The following LRSAM1 variants were observed in gnomAD, a reference collection of about 807,000 sequenced individuals.
LRSAM1 encodes the protein leucine rich repeat and sterile alpha motif containing 1, also known as E3 ubiquitin-protein ligase LRSAM1.
In LRSAM1, 96 loss-of-function variants were observed where a neutral mutation model predicts 118.1. The ratio of observed to expected loss-of-function variants is 0.81; its 90% CI spans 0.69 to 0.96. The LOEUF is 0.96. LRSAM1 is among the 40% of genes least tolerant of loss of function. The probability of loss-of-function intolerance (pLI) is 0.00; values close to 1 mark genes in which losing one functional copy is unlikely to be tolerated. For synonymous variants in LRSAM1, 322 were observed against 364.2 expected (o/e 0.88, Z 1.32); for missense variants, 804 against 915.5 (o/e 0.88, Z 1.57).
chr9:127,483,062 G>A, intron 16 of LRSAM1, 42 bp downstream of exon 16: 1 of 1,580,504 alleles, frequency 6.3e-7, no homozygotes. Context: ...GCTGCCTGCT[G>A]GCTGGGCTGG....
At chr9:127,452,132 C>T (rs899608069) in intron 2 of LRSAM1, 48 bp downstream of exon 2, 1 of 152,310 alleles carries the variant, frequency 6.6e-6, no homozygotes. Flanking sequence ...GTGGCCCTCC[C>T]CCCGCATCTA....
chr9:127,460,759 G>A (rs1301708764), intron 7 of LRSAM1, among the ~76,000 whole-genome samples: 1 of 152,030 alleles, frequency 6.6e-6, no homozygotes, highest in African/African-American at 2.4e-5. Context: ...TGTAGTGCCT[G>A]GGTGCCCTGG....
chr9:127,492,185 C>A (rs1835957566), intron 20 of LRSAM1, among the ~76,000 whole-genome samples: 1 of 152,214 alleles, frequency 6.6e-6, no homozygotes, highest in Non-Finnish European at 1.5e-5. Context: ...TGGCAGCGGT[C>A]CTCCAGGCCC....
chr9:127,453,915 C>T (rs1465810387), intron 2 of LRSAM1: 2 of 174,938 alleles, frequency 1.1e-5, no homozygotes, highest in African/African-American at 4.8e-5. Flanking sequence ...AAAGATGTGG[C>T]CCCTGCCCCC....
chr9:127,461,310 C>G, intron 8 of LRSAM1, 53 bp downstream of exon 8: 1 of 1,545,262 alleles, frequency 6.5e-7, no homozygotes, highest in Non-Finnish European at 8.9e-7. Flanking sequence ...CTGGGCCATC[C>G]TGGCCGGGAT....
chr9:127,455,502 C>T lies in LRSAM1; in HGVS notation c.130-74C>T, dbSNP rs533484572. 3.6e-5 allele frequency: 53 copies of T among 1,474,294 alleles called. 1 individual carries two copies. Among genetic ancestry groups the T allele is most frequent in the African/African-American group, 1.9e-4 (14 of 72,068 alleles). 91.3% of individuals were successfully genotyped at this position (1,474,294 alleles called of 1,614,324 possible). ...TCACCTCCTGCCTGTCTCTTCCTCA[C>T]GTGAATGCCACTCAGAGAACAAGCT... is the stretch of plus-strand genomic sequence containing the variant. On this transcript the variant is annotated intron_variant, in intron 4 of 25. Coordinates refer to ENST00000300417, the MANE Select transcript of LRSAM1 (RefSeq NM_001005373.4).
chr9:127,452,717 AGAGGTGAACCAAGGT>A (rs1188325249), intron 2 of LRSAM1, among the ~76,000 whole-genome samples: 4 of 152,208 alleles, frequency 2.6e-5, no homozygotes, highest in Non-Finnish European at 5.9e-5. Context: ...TGAGGCTCTG[AGAGGTGAACCAAGGT>A]GACCTCTGCA....
intron 9 of LRSAM1, among the ~76,000 whole-genome samples, chr9:127,466,517 T>TA (rs1834955062): frequency 2.1e-5 from 2 of 93,576 alleles, no homozygotes; most frequent in African/African-American, 9.3e-5. Flanking sequence ...TTTTTTTTTT[T>TA]TTTTTTTTTT....
chr9:127,483,944 G>C (rs1055426076), intron 16 of LRSAM1, among the ~76,000 whole-genome samples: 1 of 152,126 alleles, frequency 6.6e-6, no homozygotes, highest in Non-Finnish European at 1.5e-5. Flanking sequence ...TTACAGGCGT[G>C]AGCCACCGTG....
chr9:127,462,379 T>C lies in LRSAM1; in HGVS notation c.528+6T>C, dbSNP rs1014986581. 1.9e-6 allele frequency: 3 copies of C among 1,613,636 alleles called. No individual in the cohort carries two copies. The East Asian group carries it at 6.7e-5, about 36-fold the overall frequency. ...CTCACGTTCGAACCCTGGAGGTAAA[T>C]GGGAAGCTGTTCTTGCCTGGGGTGC... On this transcript the variant is annotated splice_donor_region_variant and intron_variant, in intron 9 of 25. Coordinates refer to ENST00000300417, the MANE Select transcript of LRSAM1 (RefSeq NM_001005373.4).
chr9:127,452,005 C>G lies in LRSAM1; in HGVS notation c.-112C>G, dbSNP rs1834341615. The G allele has an allele frequency of 6.6e-6, 1 of 152,294 alleles. No individual in the cohort carries two copies. The highest frequency in any genetic ancestry group is 1.5e-5 in the Non-Finnish European group (1 of 68,092). 9.4% of individuals were successfully genotyped at this position (152,294 alleles called of 1,614,324 possible). A position where few individuals can be genotyped will look rare whatever the true frequency, so the allele number is the denominator to read the frequency against. The stretch of plus-strand genomic sequence containing the variant: ...TGGTCTGCGGCCCCGAGTCCGTGAC[C>G]AAGCCCTCCGAGTGATCGGCCTGCC... On this transcript the variant is annotated 5_prime_UTR_variant, in exon 2 of 26. Transcript: ENST00000300417.
intron 21 of LRSAM1, among the ~76,000 whole-genome samples, chr9:127,494,346 C>A (rs1197625974): frequency 2.0e-4 from 30 of 152,260 alleles, no homozygotes; most frequent in Admixed American, 2.0e-3. Flanking sequence ...TGAACAGCTC[C>A]GTTGTTCTGA....
At chr9:127,466,516 T>A (rs1430628957) in intron 9 of LRSAM1, among the ~76,000 whole-genome samples, 148 of 82,280 alleles carry the variant, frequency 1.8e-3, no homozygotes, top group East Asian at 7.4e-3. Flanking sequence ...TTTTTTTTTT[T>A]TTTTTTTTTT....
chr9:127,473,240 G>A (rs971635457), intron 10 of LRSAM1, among the ~76,000 whole-genome samples: 3 of 152,130 alleles, frequency 2.0e-5, no homozygotes, highest in Non-Finnish European at 2.9e-5. Context: ...TGTTTACCCC[G>A]GAAGGACACC....
At chr9:127,486,069 G>T (rs1835718310) in intron 17 of LRSAM1, among the ~76,000 whole-genome samples, 1 of 152,256 alleles carries the variant, frequency 6.6e-6, no homozygotes, top group Non-Finnish European at 1.5e-5. Context: ...TGCACTTCCT[G>T]TGTGGCAGGC....
intron 18 of LRSAM1, 53 bp downstream of exon 18, chr9:127,487,816 G>A (rs1835787984): frequency 6.5e-7 from 1 of 1,532,136 alleles, no homozygotes; most frequent in Non-Finnish European, 9.0e-7. Flanking sequence ...AGGTTCAGGA[G>A]CCAGGGCAGA....
chr9:127,454,414 C>G (rs749714585), intron 2 of LRSAM1, 82 bp from the exon 3 acceptor site: 1 of 1,017,380 alleles, frequency 9.8e-7, no homozygotes, highest in South Asian at 1.4e-5. Flanking sequence ...CAGCTGCATG[C>G]TCTGTGTTAC....
rs749454115 is a variant in LRSAM1 at position 127,484,803 on chromosome 9, T to TTTTTTC, written c.1160-928_1160-927insCTTTTT. ...AATTATTTTAATTTTTTGATTTTTC[T>TTTTTTC]TTTTTTCTTTTTTTTTTTTTTTTGA... is the stretch of plus-strand genomic sequence containing the variant. On this transcript the variant is annotated intron_variant, in intron 16 of 25. Transcript: ENST00000300417. 2.0e-4 allele frequency among the ~76,000 whole-genome samples: 11 copies of TTTTTTC among 53,908 alleles called. 1 individual carries two copies. Among genetic ancestry groups the TTTTTTC allele is most frequent in the African/African-American group, 2.9e-4 (5 of 17,130 alleles). 35.4% of individuals were successfully genotyped at this position (53,908 alleles called of 152,430 possible). A position where few individuals can be genotyped will look rare whatever the true frequency, so the allele number is the denominator to read the frequency against.
At position 127,503,136 on chromosome 9, in the gene LRSAM1, C is replaced by A; in HGVS notation, c.*237C>A. On this transcript the variant is annotated 3_prime_UTR_variant, in exon 26 of 26. Coordinates refer to ENST00000300417, the MANE Select transcript of LRSAM1 (RefSeq NM_001005373.4). ...TCCTGGGGGCTGGGGCTGGAGAGGCCGCTGCACCACCACCCGAGCCTGGGA... is the reference window on the plus strand; with the variant it reads ...TCCTGGGGGCTGGGGCTGGAGAGGCAGCTGCACCACCACCCGAGCCTGGGA... The A allele has an allele frequency of 1.8e-6, 1 of 570,734 alleles. No homozygotes were observed. 35.4% of individuals were successfully genotyped at this position (570,734 alleles called of 1,614,324 possible).
Sources: allele counts gnomAD v4.1 joint callset (sites outside exome capture counted in the v4.1 genomes callset), GRCh38; gene constraint gnomAD v4.1.1; transcripts MANE v1.5; gene names NCBI Gene and HGNC (gene_info 2026-07-23, HGNC 2026-07-21).